Variants in TMEM63A observed in about 807,000 individuals in gnomAD.
The protein encoded by TMEM63A is mechanosensitive cation channel TMEM63A.
In TMEM63A, 76 loss-of-function variants were observed where a neutral mutation model predicts 100.6. The observed-to-expected ratio is 0.76, with a 90% confidence interval of 0.63 to 0.91. TMEM63A has a LOEUF of 0.91. TMEM63A is among the 40% of genes least tolerant of loss of function. The pLI is 0.00. For synonymous variants in TMEM63A, 401 were observed against 401.1 expected (o/e 1.00, Z 0.00); for missense variants, 876 against 1,008.8 (o/e 0.87, Z 1.78).
chr1:225,856,572 C>T, intron 17 of TMEM63A, 80 bp downstream of exon 17: 3 of 1,472,038 alleles, frequency 2.0e-6, no homozygotes, highest in Non-Finnish European at 2.8e-6. Flanking sequence ...TGCTGCCAAA[C>T]CGTTTGCATT....
At chr1:225,848,460 G>A (rs199613235) in intron 23 of TMEM63A, 32 bp downstream of exon 23, 190 of 1,610,864 alleles carry the variant, frequency 1.2e-4, no homozygotes, top group East Asian at 8.5e-4. Flanking sequence ...AAAAAAGGGC[G>A]ACAAGCTCAG....
intron 21 of TMEM63A, among the ~76,000 whole-genome samples, chr1:225,849,664 G>A (rs201650912): frequency 6.6e-6 from 1 of 152,194 alleles, no homozygotes; most frequent in East Asian, 1.9e-4. Flanking sequence ...CCCTCACCCT[G>A]GGTATCATGT....
At chr1:225,878,043 C>T (rs146319764) in intron 2 of TMEM63A, among the ~76,000 whole-genome samples, 97 of 152,158 alleles carry the variant, frequency 6.4e-4, no homozygotes, top group African/African-American at 2.2e-3. Flanking sequence ...AGGAAAACAC[C>T]GGGATAAACA....
chr1:225,862,520 G>A lies in TMEM63A; in HGVS notation c.886C>T (p.Arg296Trp), dbSNP rs746796483. Residue 296 changes from arginine (R) to tryptophan (W), a missense_variant, in exon 12 of 25, where the codon CGG becomes TGG. Transcript: ENST00000366835. The surrounding 1 kb of genome is among the most constrained non-coding windows in gnomAD (Gnocchi z 5.1). ...YTNLQVKTGQRTLINPKPCGQ... is the reference protein window; with the variant it reads ...YTNLQVKTGQWTLINPKPCGQ... ...CAGGGCTTGGGGTTGATGAGGGTCC[G>A]CTGGCCTGTCTTCACCTGCAGGTTT... 9 of 1,613,946 alleles carry A rather than the reference G, an allele frequency of 5.6e-6. No homozygotes were observed. The highest frequency in any genetic ancestry group is 3.3e-5 in the Admixed American group (2 of 60,008).
At position 225,860,911 on chromosome 1, in the gene TMEM63A, T is replaced by C. The variant is rs114853295; in HGVS notation, c.1172A>G (p.Tyr391Cys). The change falls in exon 14 of 25, where the codon TAT (tyrosine) becomes TGT (cysteine). Residue 391 changes from tyrosine (Y) to cysteine (C), a missense_variant. Tyr to Cys is a radical substitution (Grantham distance 194, BLOSUM62 -2). Transcript: ENST00000366835. ...AAAGGTGACTGTCCACTTGGAGGTATAGAGCTCCCTGCTATGGGAGGACGG... is the reference window on the plus strand; with the variant it reads ...AAAGGTGACTGTCCACTTGGAGGTACAGAGCTCCCTGCTATGGGAGGACGG... ...PQPSSHSREL[Y>C]TSKWTVTFAA... 6.4e-4 allele frequency: 1,028 copies of C among 1,612,804 alleles called. 7 individuals are homozygous for C. In the African/African-American group the frequency reaches 0.012, roughly 19 times the overall value.
At chr1:225,880,233 G>A (rs1351082079) in intron 1 of TMEM63A, among the ~76,000 whole-genome samples, 1 of 152,130 alleles carries the variant, frequency 6.6e-6, no homozygotes, top group Non-Finnish European at 1.5e-5. Flanking sequence ...GAGCTCTGGG[G>A]ACCCACAATC....
Position 225,856,721 on chromosome 1 carries a change from A to G in TMEM63A, c.1502T>C (p.Ile501Thr). The G allele has an allele frequency of 6.2e-7, 1 of 1,613,864 alleles. No homozygotes were observed. The highest frequency in any genetic ancestry group is 8.5e-7 in the Non-Finnish European group (1 of 1,179,976). The change falls in exon 17 of 25, where the codon ATC (isoleucine) becomes ACC (threonine). Residue 501 changes from isoleucine to threonine, a missense_variant. This residue lies in a region of TMEM63A where 487 missense variants were observed against 581.9 expected (regional missense o/e 0.84). Transcript: ENST00000366835. Reference sequence around the variant, plus strand: ...GAATATGTAGACTTTGGTCATCATGATCTGGTTTTCCCCCGACCTGCAGGA... The same window carrying G: ...GAATATGTAGACTTTGGTCATCATGGTCTGGTTTTCCCCCGACCTGCAGGA... ...SHWTKSGENQIMMTKVYIFLI... is the reference protein window; with the variant it reads ...SHWTKSGENQTMMTKVYIFLI...
At position 225,860,678 on chromosome 1, in the gene TMEM63A, G is replaced by T. The variant is rs534661141; in HGVS notation, c.1223+182C>A. The T allele has an allele frequency of 5.7e-6, 3 of 528,058 alleles. No homozygotes were observed. The South Asian group carries it at 1.9e-4, about 33-fold the overall frequency. The allele number at this position is 528,058 out of a possible 1,614,324, so 32.7% of individuals were successfully genotyped here. On this transcript the variant is annotated intron_variant, in intron 14 of 24. Transcript: ENST00000366835. ...GAATGCTAGGGAGGAACACTGGAGG[G>T]AAGGGCTGGGCAGATACCCCAGTTG...
Position 225,871,057 on chromosome 1 carries a change from T to C in TMEM63A, c.371+19A>G, listed in dbSNP as rs750009862. 3 of 1,612,768 alleles carry C rather than the reference T, an allele frequency of 1.9e-6. No homozygotes were observed. In the Admixed American group the frequency reaches 5.0e-5, roughly 27 times the overall value. ...ACCAGCCCAAAGGCCCCCCAGCAGC[T>C]GCCCCCGGGTGTACTCACTGCAGAC... On this transcript the variant is annotated intron_variant, in intron 6 of 24. Coordinates refer to ENST00000366835, the MANE Select transcript of TMEM63A (RefSeq NM_014698.3).
chr1:225,868,759 C>T (rs1407757676), intron 6 of TMEM63A, among the ~76,000 whole-genome samples: 1 of 152,014 alleles, frequency 6.6e-6, no homozygotes, highest in East Asian at 1.9e-4. Flanking sequence ...TTTCCTGTCT[C>T]CCCCTCAGAT....
At chr1:225,845,100 G>A (rs1339279513), downstream of TMEM63A, 1 of 1,604,200 alleles carries the variant, frequency 6.2e-7, no homozygotes, top group Non-Finnish European at 8.5e-7. Flanking sequence ...GGACGGAGGG[G>A]CGCAGGGCCA....
At chr1:225,845,375 T>TC (rs1427750376), downstream of TMEM63A, 35 of 1,413,098 alleles carry the variant, frequency 2.5e-5, no homozygotes, top group South Asian at 1.2e-4. Context: ...GCCTGCCACC[T>TC]CCCCCCACAA....
chr1:225,863,699 T>C (rs1428548004), intron 10 of TMEM63A, among the ~76,000 whole-genome samples: 1 of 152,006 alleles, frequency 6.6e-6, no homozygotes, highest in East Asian at 1.9e-4. Context: ...GGTGGATCAC[T>C]TGAGGTCAGG....
intron 3 of TMEM63A, among the ~76,000 whole-genome samples, chr1:225,874,990 T>A (rs1670706595): frequency 6.6e-6 from 1 of 152,188 alleles, no homozygotes; most frequent in African/African-American, 2.4e-5. Flanking sequence ...TGCCTCAGCC[T>A]CCCAAAGTGC....
In TMEM63A at chr1:225,862,432, C is replaced by T. The variant is rs1167567927; in HGVS notation, c.951+23G>A. ...ACCCCGATGCCAATGCCTCTGCTCC[C>T]AGCCGGGGGGTGGGACCCTTACCCA... On this transcript the variant is annotated intron_variant, in intron 12 of 24. Transcript: ENST00000366835. This position sits in a 1 kb window ranked among gnomAD's most constrained non-coding sequence, Gnocchi z 5.1. The T allele has an allele frequency of 1.2e-6, 2 of 1,613,950 alleles. No individual in the cohort carries two copies. Among genetic ancestry groups the T allele is most frequent in the South Asian group, 2.2e-5 (2 of 91,082 alleles).
chr1:225,867,814 C>T lies in TMEM63A; in HGVS notation c.514+74G>A, dbSNP rs1026906671. On this transcript the variant is annotated intron_variant, in intron 7 of 24. Transcript: ENST00000366835. The surrounding 1 kb of genome is among the most constrained non-coding windows in gnomAD (Gnocchi z 4.6). The stretch of plus-strand genomic sequence containing the variant: ...GCATGACTCCTGGGGTTCTGGTCTA[C>T]CACAGTGAGCCCTTTCCCTAGGACT... 4 of 1,589,964 alleles carry T rather than the reference C, an allele frequency of 2.5e-6. No homozygotes were observed. Among genetic ancestry groups the T allele is most frequent in the Non-Finnish European group, 3.4e-6 (4 of 1,165,574 alleles).
At position 225,877,443 on chromosome 1, in the gene TMEM63A, G is replaced by A. The variant is rs1559053189; in HGVS notation, c.138C>T (p.Thr46=). 2 of 1,614,216 alleles carry A rather than the reference G, an allele frequency of 1.2e-6. No individual in the cohort carries two copies. The highest frequency in any genetic ancestry group is 1.7e-6 in the Non-Finnish European group (2 of 1,180,044). ...AKNSTVLQGV[T]FGGIPTVLLI... is the part of the protein sequence containing the mutation. ...GCAGGACAGTGGGGATGCCACCAAAGGTGACCCCCTGGAGCACGGTGCTGT... is the reference window on the plus strand; with the variant it reads ...GCAGGACAGTGGGGATGCCACCAAAAGTGACCCCCTGGAGCACGGTGCTGT... The change falls in exon 3 of 25, where the codon ACC becomes ACT. Residue 46 remains threonine (T), a synonymous_variant. Coordinates refer to ENST00000366835, the MANE Select transcript of TMEM63A (RefSeq NM_014698.3).
Position 225,847,050 on chromosome 1 carries a change from T to TG in TMEM63A, c.2413dup (p.Gln805ProfsTer107), listed in dbSNP as rs756941718. On this transcript the variant is annotated frameshift_variant, in exon 24 of 25. Transcript: ENST00000366835. LOFTEE classifies it high-confidence loss of function. ...GCAGCTCACCCAGCCTCAGGCCTCC[T>TG]GGGGGGCAGCAGCCACACTGCCCGT... 23 of 1,611,018 alleles carry TG rather than the reference T, an allele frequency of 1.4e-5. No homozygotes were observed. The highest frequency in any genetic ancestry group is 1.7e-4 in the Middle Eastern group (1 of 5,776).
At chr1:225,864,796 T>C (rs957608865) in intron 10 of TMEM63A, 1 of 152,242 alleles carries the variant, frequency 6.6e-6, no homozygotes, top group Non-Finnish European at 1.5e-5. Context: ...TCCTAGTCCA[T>C]GCAACAAATT....
Sources: gnomAD v4.1 joint callset for allele counts (sites outside exome capture counted in the v4.1 genomes callset) on GRCh38, gnomAD v4.1.1 for gene constraint, gnomAD v4.1.1 regional missense constraint, Gnocchi (gnomAD v3.1) non-coding constraint, MANE v1.5 for transcripts, NCBI Gene and HGNC (gene_info 2026-07-23, HGNC 2026-07-21) for gene names.